Variants in JRK observed in about 807,000 individuals in gnomAD.
JRK encodes jerky protein homolog.
For synonymous variants in JRK, 303 were observed against 218.1 expected (o/e 1.39, Z -3.43); for missense variants, 720 against 509.2 (o/e 1.41, Z -3.98).
Position 142,661,320 on chromosome 8 carries a change from T to C in JRK, c.*3032A>G, listed in dbSNP as rs1846909223. 1.0e-6 allele frequency: 1 copy of C among 985,422 alleles called. No individual in the cohort carries two copies. Among genetic ancestry groups the C allele is most frequent in the African/African-American group, 1.7e-5 (1 of 57,356 alleles). 61.0% of individuals were successfully genotyped at this position (985,422 alleles called of 1,614,324 possible). ...CCCATCCTAACCCCTGAATTCACCA[T>C]GCCACCCTGAAAGTATGGCCTCTCC... On this transcript the variant is annotated 3_prime_UTR_variant, in exon 2 of 2. Transcript: ENST00000612905.
At position 142,662,816 on chromosome 8, in the gene JRK, A is replaced by G; in HGVS notation, c.*1536T>C. On this transcript the variant is annotated 3_prime_UTR_variant, in exon 2 of 2. Transcript: ENST00000612905. Reference sequence around the variant, plus strand: ...TGACTCGGCCAAATGATATGAATTTAAGAGAGGAAAAGAATTCAAGGGCAA... The same window carrying G: ...TGACTCGGCCAAATGATATGAATTTGAGAGAGGAAAAGAATTCAAGGGCAA... 4.1e-6 allele frequency: 4 copies of G among 985,440 alleles called. No individual in the cohort carries two copies. Among genetic ancestry groups the G allele is most frequent in the Non-Finnish European group, 4.8e-6 (4 of 829,906 alleles). 61.0% of individuals were successfully genotyped at this position (985,440 alleles called of 1,614,324 possible). A position where few individuals can be genotyped will look rare whatever the true frequency, so the allele number is the denominator to read the frequency against.
the JRK span, among the ~76,000 whole-genome samples, chr8:142,646,062 ATATC>A: frequency 9.2e-5 from 14 of 152,304 alleles, no homozygotes; most frequent in Middle Eastern, 6.8e-3. Context: ...AAATAATGAA[ATATC>A]TATTATTTAA....
chr8:142,669,739 G>A (rs1847265717), intron 1 of JRK, among the ~76,000 whole-genome samples, 193 bp downstream of exon 1: 1 of 149,748 alleles, frequency 6.7e-6, no homozygotes, highest in Non-Finnish European at 1.5e-5. Context: ...CGCGGCTCCC[G>A]GGAGGGGGCG....
At position 142,664,165 on chromosome 8, in the gene JRK, T is replaced by C. The variant is rs1207368845; in HGVS notation, c.*187A>G. On this transcript the variant is annotated 3_prime_UTR_variant, in exon 2 of 2. Transcript: ENST00000612905. ...GCAAGTGATAAAATAAAACCTGTAT[T>C]GACAGGAACCTCGGGCACAGACCGT... The C allele has an allele frequency of 7.4e-7, 1 of 1,356,956 alleles. No individual in the cohort carries two copies. The highest frequency in any genetic ancestry group is 1.5e-5 in the African/African-American group (1 of 68,308). 84.1% of individuals were successfully genotyped at this position (1,356,956 alleles called of 1,614,324 possible).
rs1846808124 is a variant in JRK, at chr8:142,658,409, C to T, written c.*5943G>A. The T allele has an allele frequency of 1.4e-5, 2 of 144,934 alleles. No homozygotes were observed. Among genetic ancestry groups the T allele is most frequent in the Admixed American group, 1.4e-4 (2 of 14,378 alleles). 9.0% of individuals were successfully genotyped at this position (144,934 alleles called of 1,614,324 possible). The stretch of plus-strand genomic sequence containing the variant: ...TTATTTCCTTTTTTTTTTTTTTTAG[C>T]AATAAGGTCTTATCATGCCTAGGCT... On this transcript the variant is annotated 3_prime_UTR_variant, in exon 2 of 2. Transcript: ENST00000612905.
In JRK at chr8:142,659,443, A is replaced by G. The variant is rs146316595; in HGVS notation, c.*4909T>C. The G allele has an allele frequency of 3.5e-5, 35 of 986,228 alleles. No homozygotes were observed. The East Asian group carries it at 3.7e-3, about 105-fold the overall frequency. The allele number at this position is 986,228 out of a possible 1,614,324, so 61.1% of individuals were successfully genotyped here. On this transcript the variant is annotated 3_prime_UTR_variant, in exon 2 of 2. Coordinates refer to ENST00000612905, the MANE Select transcript of JRK (RefSeq NM_003724.4). ...CATAGAGGGCCTTTGAGCACCTCGT[A>G]GCTTGCTTCCCAGCCAGCCTGGGTG...
intron 1 of JRK, among the ~76,000 whole-genome samples, chr8:142,668,796 G>T (rs1847214431): frequency 6.6e-6 from 1 of 151,466 alleles, no homozygotes; most frequent in Admixed American, 6.6e-5. Context: ...CTGCCAGTTT[G>T]TGTCATCCTG....
intron 1 of JRK, among the ~76,000 whole-genome samples, chr8:142,669,535 GAA>G (rs1211636275): frequency 3.3e-5 from 5 of 151,914 alleles, no homozygotes; most frequent in Non-Finnish European, 7.4e-5. Context: ...CAGAAATGGA[GAA>G]AAAAAAGTCT....
chr8:142,663,099 G>C lies in JRK; in HGVS notation c.*1253C>G. 1.1e-6 allele frequency: 1 copy of C among 928,074 alleles called. No homozygotes were observed. The allele number at this position is 928,074 out of a possible 1,614,324, so 57.5% of individuals were successfully genotyped here. ...GCCAGGGAGGTCGAGGCTGCAGTGA[G>C]CTGGGATCACACCACTTCACTCCAG... On this transcript the variant is annotated 3_prime_UTR_variant, in exon 2 of 2. Transcript: ENST00000612905.
In JRK at chr8:142,665,708, C is replaced by A; in HGVS notation, c.351G>T (p.Lys117Asn). ...VSGPMLIEKAKDFYEQMQLTE... is the reference protein window; with the variant it reads ...VSGPMLIEKANDFYEQMQLTE... Reference sequence around the variant, plus strand: ...TGAGCTGCATCTGCTCGTAGAAGTCCTTGGCCTTCTCGATGAGCATGGGGC... The same window carrying A: ...TGAGCTGCATCTGCTCGTAGAAGTCATTGGCCTTCTCGATGAGCATGGGGC... Residue 117 changes from lysine (K) to asparagine (N), a missense_variant, in exon 2 of 2, where the codon AAG (lysine) becomes AAT (asparagine). Lys to Asn is a moderately conservative substitution (Grantham distance 94, BLOSUM62 0). Coordinates refer to ENST00000612905, the MANE Select transcript of JRK (RefSeq NM_003724.4). 1.3e-6 allele frequency: 1 copy of A among 755,190 alleles called. No individual in the cohort carries two copies. Among genetic ancestry groups the A allele is most frequent in the East Asian group, 2.5e-5 (1 of 39,934 alleles). The allele number at this position is 755,190 out of a possible 1,614,324, so 46.8% of individuals were successfully genotyped here.
chr8:142,662,326 C>T lies in JRK; in HGVS notation c.*2026G>A, dbSNP rs1846942346. Reference sequence around the variant, plus strand: ...CCTGCCCATGCCCTCCCCAGCTCCACCCACCCAGGATGTCCTACTGTTTCA... The same window carrying T: ...CCTGCCCATGCCCTCCCCAGCTCCATCCACCCAGGATGTCCTACTGTTTCA... On this transcript the variant is annotated 3_prime_UTR_variant, in exon 2 of 2. Transcript: ENST00000612905. 7.1e-6 allele frequency: 7 copies of T among 985,672 alleles called. No individual in the cohort carries two copies. The highest frequency in any genetic ancestry group is 8.4e-6 in the Non-Finnish European group (7 of 830,106). 61.1% of individuals were successfully genotyped at this position (985,672 alleles called of 1,614,324 possible). A position where few individuals can be genotyped will look rare whatever the true frequency, so the allele number is the denominator to read the frequency against.
chr8:142,664,870 A>G lies in JRK; in HGVS notation c.1189T>C (p.Ser397Pro). 1.4e-6 allele frequency: 2 copies of G among 1,460,038 alleles called. No individual in the cohort carries two copies. Among genetic ancestry groups the G allele is most frequent in the Non-Finnish European group, 1.9e-6 (2 of 1,043,082 alleles). The allele number at this position is 1,460,038 out of a possible 1,614,324, so 90.4% of individuals were successfully genotyped here. Residue 397 changes from serine to proline, a missense_variant, in exon 2 of 2, where the codon TCT becomes CCT. By Grantham distance (74) the Ser-to-Pro change is moderately conservative (BLOSUM62 -1). Transcript: ENST00000612905. ...PSVAFAEGSSSEEELEAECFP... is the reference protein window; with the variant it reads ...PSVAFAEGSSPEEELEAECFP... ...CACTCTGCCTCCAACTCCTCCTCAG[A>G]GGAGGAGCCTTCGGCAAACGCAACC...
rs1846795673 is a variant in JRK at position 142,658,055 on chromosome 8, T to A, written c.*6297A>T. 6.6e-6 allele frequency: 1 copy of A among 152,304 alleles called. No individual in the cohort carries two copies. The highest frequency in any genetic ancestry group is 1.5e-5 in the Non-Finnish European group (1 of 68,094). The allele number at this position is 152,304 out of a possible 1,614,324, so 9.4% of individuals were successfully genotyped here. On this transcript the variant is annotated 3_prime_UTR_variant, in exon 2 of 2. Transcript: ENST00000612905. ...CCGGGTCATGGTGGGCAGGTGGGTC[T>A]GCCTCCCCTTCTGGACCAGGTGAAC...
rs782129882 is a variant in JRK at position 142,664,738 on chromosome 8, C to T, written c.1321G>A (p.Gly441Arg). Residue 441 changes from glycine (G) to arginine (R), a missense_variant, in exon 2 of 2, where the codon GGG becomes AGG. By Grantham distance (125) the Gly-to-Arg change is moderately radical. Transcript: ENST00000612905. ...CCTTCTGCCTCCCTTCCCGCTACCC[C>T]CCAGCTGGCGGCCTGGCGCTGGCGA... Reference protein sequence around the residue: ...QLRQRQAASWGVAGREAEGGR... With the variant: ...QLRQRQAASWRVAGREAEGGR... 2 of 1,598,572 alleles carry T rather than the reference C, an allele frequency of 1.3e-6. No individual in the cohort carries two copies. Among genetic ancestry groups the T allele is most frequent in the African/African-American group, 2.7e-5 (2 of 74,562 alleles).
the JRK span, among the ~76,000 whole-genome samples, chr8:142,647,560 C>A: frequency 2.0e-5 from 3 of 152,346 alleles, no homozygotes; most frequent in African/African-American, 7.2e-5. Context: ...AGCTCTCTCT[C>A]TTTGCCTGAT....
In JRK at chr8:142,659,401, A is replaced by G. The variant is rs1402182755; in HGVS notation, c.*4951T>C. The G allele has an allele frequency of 1.0e-6, 1 of 987,480 alleles. No homozygotes were observed. The highest frequency in any genetic ancestry group is 6.0e-5 in the Admixed American group (1 of 16,670). The allele number at this position is 987,480 out of a possible 1,614,324, so 61.2% of individuals were successfully genotyped here. On this transcript the variant is annotated 3_prime_UTR_variant, in exon 2 of 2. Transcript: ENST00000612905. ...GCCCAACGATCCTCGCCTGTGTGGG[A>G]CGGGGCTACCTGCAGACATAGAGGG...
chr8:142,658,726 C>G lies in JRK; in HGVS notation c.*5626G>C. The G allele has an allele frequency of 7.0e-7, 1 of 1,426,650 alleles. No individual in the cohort carries two copies. The highest frequency in any genetic ancestry group is 9.3e-7 in the Non-Finnish European group (1 of 1,080,126). 88.4% of individuals were successfully genotyped at this position (1,426,650 alleles called of 1,614,324 possible). The stretch of plus-strand genomic sequence containing the variant: ...TATAAACTTTGGGGGGGGACACAAA[C>G]ATGCAGTCCTTAACACCATCGTCAT... On this transcript the variant is annotated 3_prime_UTR_variant, in exon 2 of 2. Coordinates refer to ENST00000612905, the MANE Select transcript of JRK (RefSeq NM_003724.4).
In JRK at chr8:142,660,949, C is replaced by T. The variant is rs1459095220; in HGVS notation, c.*3403G>A. The T allele has an allele frequency of 1.6e-5, 16 of 985,388 alleles. No homozygotes were observed. Among genetic ancestry groups the T allele is most frequent in the Admixed American group, 1.2e-4 (2 of 16,270 alleles). 61.0% of individuals were successfully genotyped at this position (985,388 alleles called of 1,614,324 possible). The stretch of plus-strand genomic sequence containing the variant: ...ACTGATGACAGTCCTCCAACCCCAG[C>T]GAGCTGGGGAAGCCGTGGGCAGGGG... On this transcript the variant is annotated 3_prime_UTR_variant, in exon 2 of 2. Coordinates refer to ENST00000612905, the MANE Select transcript of JRK (RefSeq NM_003724.4).
rs929059313 is a variant in JRK at position 142,663,519 on chromosome 8, T to A, written c.*833A>T. On this transcript the variant is annotated 3_prime_UTR_variant, in exon 2 of 2. Coordinates refer to ENST00000612905, the MANE Select transcript of JRK (RefSeq NM_003724.4). ...GACGTATTCATGTAAAGGCCATAAG[T>A]ATGAAATTCTGGGCAACATGGTACA... 1 of 985,482 alleles carries A rather than the reference T, an allele frequency of 1.0e-6. No individual in the cohort carries two copies. The highest frequency in any genetic ancestry group is 4.7e-5 in the South Asian group (1 of 21,290). The allele number at this position is 985,482 out of a possible 1,614,324, so 61.0% of individuals were successfully genotyped here.
Sources: allele counts gnomAD v4.1 joint callset (sites outside exome capture counted in the v4.1 genomes callset), GRCh38; gene constraint gnomAD v4.1.1; transcripts MANE v1.5; gene names NCBI Gene and HGNC (gene_info 2026-07-23, HGNC 2026-07-21).